Variants in MGST3 observed in about 807,000 individuals in gnomAD.
MGST3 encodes microsomal glutathione S-transferase 3.
Under a neutral mutation model 15.8 loss-of-function variants are expected in MGST3, and 13 were observed. The ratio of observed to expected loss-of-function variants is 0.82; its 90% CI spans 0.54 to 1.31. MGST3 has a LOEUF of 1.31. Ranked by LOEUF, MGST3 falls within the 50% of genes most tolerant of loss-of-function variation. The pLI is 0.00. For missense variants in MGST3, 155 were observed against 192.4 expected (o/e 0.81, Z 1.15); for synonymous variants, 49 against 68.1 (o/e 0.72, Z 1.38).
At chr1:165,632,271 G>A (rs1191048177) in intron 1 of MGST3, 1 of 1,612,682 alleles carries the variant, frequency 6.2e-7, no homozygotes, top group Non-Finnish European at 8.5e-7. Flanking sequence ...TTCCGGCTCT[G>A]CAGGTATGTG....
chr1:165,655,787 G>A lies in MGST3; in HGVS notation c.*283G>A. On this transcript the variant is annotated 3_prime_UTR_variant, in exon 6 of 6. Coordinates refer to ENST00000367889, the MANE Select transcript of MGST3 (RefSeq NM_004528.4). The stretch of plus-strand genomic sequence containing the variant: ...AAAAAGTCTGATTGTGGTGATGTAG[G>A]TATAGTCATGCCACAGTGATGAAAA... 2.3e-6 allele frequency: 1 copy of A among 434,070 alleles called. No homozygotes were observed. Among genetic ancestry groups the A allele is most frequent in the Admixed American group, 3.7e-5 (1 of 27,282 alleles). 26.9% of individuals were successfully genotyped at this position (434,070 alleles called of 1,614,324 possible).
chr1:165,651,291 G>A (rs901374466), intron 3 of MGST3: 24 of 603,728 alleles, frequency 4.0e-5, no homozygotes, highest in Non-Finnish European at 5.9e-5. Context: ...GTGGGATTTC[G>A]GGATATTCTT....
At chr1:165,652,081 G>A in intron 4 of MGST3, 46 bp downstream of exon 4, 2 of 1,329,762 alleles carry the variant, frequency 1.5e-6, no homozygotes, top group Non-Finnish European at 1.1e-6. Context: ...GTAGTTCACT[G>A]AGCTATTATC....
intron 1 of MGST3, chr1:165,632,269 C>T (rs1647975605): frequency 1.2e-6 from 2 of 1,612,678 alleles, no homozygotes; most frequent in Non-Finnish European, 1.7e-6. Context: ...GCTTCCGGCT[C>T]TGCAGGTATG....
chr1:165,644,106 A>G (rs994786891), intron 1 of MGST3, among the ~76,000 whole-genome samples: 12 of 151,626 alleles, frequency 7.9e-5, no homozygotes, highest in Non-Finnish European at 1.6e-4. Context: ...AGATGGTTCT[A>G]TCTTATACTT....
At chr1:165,636,025 A>G (rs1363865995) in intron 1 of MGST3, among the ~76,000 whole-genome samples, 1 of 152,094 alleles carries the variant, frequency 6.6e-6, no homozygotes, top group Non-Finnish European at 1.5e-5. Flanking sequence ...TTTAAGTGTA[A>G]TTTAAATCTG....
chr1:165,649,509 A>T (rs1648497599), intron 1 of MGST3: 1 of 265,530 alleles, frequency 3.8e-6, no homozygotes, highest in Non-Finnish European at 7.3e-6. Context: ...CAATAATGTG[A>T]TTTTTGTTGG....
At chr1:165,654,222 T>TA (rs34608497) in intron 4 of MGST3, 57 bp from the exon 5 acceptor site, 5 of 1,547,756 alleles carry the variant, frequency 3.2e-6, no homozygotes, top group Non-Finnish European at 3.6e-6. Flanking sequence ...CCCTAGGTGT[T>TA]AAAAAAGGTT....
chr1:165,645,683 C>G (rs1243229329), intron 1 of MGST3: 1 of 152,052 alleles, frequency 6.6e-6, no homozygotes, highest in African/African-American at 2.4e-5. Flanking sequence ...CAGTGTACTA[C>G]GATGTTACAA....
chr1:165,654,344 C>T lies in MGST3; in HGVS notation c.315C>T (p.Tyr105=), dbSNP rs776768070. ...VGRVLYAYGY[Y]TGEPSKRSRG... ...GAGTTCTTTATGCTTATGGCTATTACACGGGAGGTTAGTATATATTGACAT... is the reference window on the plus strand; with the variant it reads ...GAGTTCTTTATGCTTATGGCTATTATACGGGAGGTTAGTATATATTGACAT... Residue 105 remains tyrosine (Y), a synonymous_variant, in exon 5 of 6, where the codon TAC becomes TAT. Transcript: ENST00000367889. 3.7e-6 allele frequency: 6 copies of T among 1,613,792 alleles called. No homozygotes were observed. Among genetic ancestry groups the T allele is most frequent in the Non-Finnish European group, 5.1e-6 (6 of 1,179,760 alleles).
intron 2 of MGST3, 167 bp downstream of exon 2, chr1:165,650,131 A>G (rs1271949202): frequency 4.3e-6 from 4 of 925,566 alleles, no homozygotes; most frequent in Non-Finnish European, 6.6e-6. Flanking sequence ...GAAAGAGGCA[A>G]GAAATACAGG....
intron 1 of MGST3, chr1:165,647,264 G>T (rs1367475498): frequency 2.0e-5 from 3 of 152,284 alleles, no homozygotes; most frequent in East Asian, 3.9e-4. Flanking sequence ...ATATTAATTT[G>T]TAATTATAGA....
chr1:165,641,957 T>C (rs1213039095), intron 1 of MGST3, among the ~76,000 whole-genome samples: 1 of 152,256 alleles, frequency 6.6e-6, no homozygotes, highest in East Asian at 1.9e-4. Context: ...CTATTTTGAC[T>C]TAAGACTGCC....
intron 5 of MGST3, 48 bp downstream of exon 5, chr1:165,654,399 A>C (rs1648650295): frequency 6.4e-7 from 1 of 1,563,588 alleles, no homozygotes; most frequent in African/African-American, 1.4e-5. Flanking sequence ...AAAATTTTAA[A>C]TCCTATGCTG....
At position 165,655,352 on chromosome 1, in the gene MGST3, CTTTCT is replaced by C; in HGVS notation, c.323-14_323-10del. On this transcript the variant is annotated splice_polypyrimidine_tract_variant and intron_variant, in intron 5 of 5. Transcript: ENST00000367889. ...TGGAGCACTCCTGGTAACTTCTGTTCTTTCTTCTTTTTCAGAACCCAGCAAGCGTA... is the reference window on the plus strand; with the variant it reads ...TGGAGCACTCCTGGTAACTTCTGTTCTCTTTTTCAGAACCCAGCAAGCGTA... 1.2e-6 allele frequency: 2 copies of C among 1,613,742 alleles called. No homozygotes were observed. Among genetic ancestry groups the C allele is most frequent in the Non-Finnish European group, 1.7e-6 (2 of 1,179,804 alleles).
intron 1 of MGST3, among the ~76,000 whole-genome samples, chr1:165,642,292 C>T (rs1250090536): frequency 6.6e-6 from 1 of 152,212 alleles, no homozygotes; most frequent in Non-Finnish European, 1.5e-5. Context: ...AATGCACGAT[C>T]ACCCTCATGC....
In MGST3 at chr1:165,650,129, C is replaced by T. The variant is rs1023801248; in HGVS notation, c.117+165C>T. On this transcript the variant is annotated intron_variant, in intron 2 of 5. Transcript: ENST00000367889. ...CTGCTTCTTCATGGTAGGAAAGAGG[C>T]AAGAAATACAGGGCCCTGCTAGGGA... is the stretch of plus-strand genomic sequence containing the variant. The T allele has an allele frequency of 6.3e-6, 6 of 953,074 alleles. No homozygotes were observed. In the East Asian group the frequency reaches 1.1e-4, roughly 17 times the overall value. The allele number at this position is 953,074 out of a possible 1,614,324, so 59.0% of individuals were successfully genotyped here. A position where few individuals can be genotyped will look rare whatever the true frequency, so the allele number is the denominator to read the frequency against.
chr1:165,639,919 C>T (rs918364594), intron 1 of MGST3, among the ~76,000 whole-genome samples: 1 of 152,162 alleles, frequency 6.6e-6, no homozygotes, highest in Non-Finnish European at 1.5e-5. Flanking sequence ...TGAAAAATTC[C>T]ATGAGAAGTT....
chr1:165,633,706 T>A (rs763929844), intron 1 of MGST3, among the ~76,000 whole-genome samples: 4 of 152,126 alleles, frequency 2.6e-5, no homozygotes, highest in Non-Finnish European at 4.4e-5. Flanking sequence ...TTAACTACAG[T>A]CTGCCTGCAT....
Sources: allele counts gnomAD v4.1 joint callset (sites outside exome capture counted in the v4.1 genomes callset), GRCh38; gene constraint gnomAD v4.1.1; transcripts MANE v1.5; gene names NCBI Gene and HGNC (gene_info 2026-07-23, HGNC 2026-07-21).